Variants in LNPK observed in about 807,000 individuals in gnomAD.
LNPK encodes endoplasmic reticulum junction formation protein lunapark.
LNPK carries 29 observed loss-of-function variants against 55.2 expected under a neutral mutation model. The observed-to-expected ratio is 0.53, with a 90% CI of 0.39 to 0.72. LNPK has a LOEUF of 0.72. Ranked by LOEUF, LNPK falls within the 30% of genes least tolerant of loss-of-function variation. LNPK has a pLI of 0.00. For synonymous variants in LNPK, 162 were observed against 168.2 expected, an observed-to-expected ratio of 0.96 and a Z score of 0.29; for missense variants, 467 against 494.8, an observed-to-expected ratio of 0.94 and a Z score of 0.53.
rs1000538465 is a variant in LNPK, at chr2:175,924,217, T to C, written c.*5750A>G. On this transcript the variant is annotated 3_prime_UTR_variant, in exon 13 of 13. Transcript: ENST00000272748. ...ATTGAAGTTATACCAGATAGTAACT[T>C]AATACAGTATATTCTCCCAATTTTC... 6.6e-6 allele frequency: 1 copy of C among 152,206 alleles called. No homozygotes were observed. Among genetic ancestry groups the C allele is most frequent in the Non-Finnish European group, 1.5e-5 (1 of 68,030 alleles). 9.4% of individuals were successfully genotyped at this position (152,206 alleles called of 1,614,324 possible).
At chr2:175,935,507 G>A (rs1166638009) in intron 12 of LNPK, among the ~76,000 whole-genome samples, 2 of 152,224 alleles carry the variant, frequency 1.3e-5, no homozygotes, top group Admixed American at 6.5e-5. Context: ...ACAGTGTTGA[G>A]TTAGATGTCT....
intron 8 of LNPK, among the ~76,000 whole-genome samples, chr2:175,950,645 A>G (rs990609860): frequency 6.6e-6 from 1 of 152,142 alleles, no homozygotes; most frequent in African/African-American, 2.4e-5. Flanking sequence ...TCTGGGACCA[A>G]ATGGTCATAA....
intron 8 of LNPK, among the ~76,000 whole-genome samples, chr2:175,956,585 CTTTA>C (rs762478976): frequency 6.6e-6 from 1 of 152,122 alleles, no homozygotes; most frequent in Non-Finnish European, 1.5e-5. Flanking sequence ...TATTCTTACT[CTTTA>C]TTTTTTAAAA....
intron 12 of LNPK, among the ~76,000 whole-genome samples, chr2:175,931,607 C>CA (rs1403292790): frequency 5.9e-5 from 9 of 152,098 alleles, no homozygotes; most frequent in Admixed American, 5.9e-4. Flanking sequence ...CCTATGCTCA[C>CA]AAAAAATAGT....
intron 12 of LNPK, among the ~76,000 whole-genome samples, chr2:175,936,847 C>T (rs921750272): frequency 1.3e-4 from 19 of 151,982 alleles, no homozygotes; most frequent in African/African-American, 3.9e-4. Flanking sequence ...AATGAAATAC[C>T]AGTCCTATTG....
chr2:175,958,913 T>G (rs1207425705), intron 8 of LNPK, among the ~76,000 whole-genome samples: 3 of 152,118 alleles, frequency 2.0e-5, no homozygotes, highest in African/African-American at 7.2e-5. Context: ...GCACGAGAAC[T>G]ACGTGATGCA....
At chr2:175,948,501 C>T (rs1036980152) in intron 8 of LNPK, among the ~76,000 whole-genome samples, 2 of 152,092 alleles carry the variant, frequency 1.3e-5, no homozygotes, top group African/African-American at 4.8e-5. Flanking sequence ...CTATCTGGCT[C>T]TTTACAAAAA....
At position 175,998,177 on chromosome 2, in the gene LNPK, C is replaced by T. The variant is rs370868795; in HGVS notation, c.-62-2531G>A. Among the ~76,000 whole-genome samples the T allele has an allele frequency of 1.2e-4, 19 of 152,182 alleles. No individual in the cohort carries two copies. The East Asian group carries it at 3.1e-3, about 25-fold the overall frequency. ...ACAGTAAGCAGGCCGGGTGCGGTGG[C>T]TCACGCCTGTAATCCCAACACTTTG... On this transcript the variant is annotated intron_variant, in intron 1 of 12. Coordinates refer to ENST00000272748, the MANE Select transcript of LNPK (RefSeq NM_030650.3).
chr2:175,951,072 C>T (rs1369024940), intron 8 of LNPK, among the ~76,000 whole-genome samples: 1 of 152,058 alleles, frequency 6.6e-6, no homozygotes. Context: ...TTTTATAATA[C>T]AAATACTCGT....
intron 1 of LNPK, among the ~76,000 whole-genome samples, chr2:175,996,307 TTAAA>T (rs1210198049): frequency 1.3e-5 from 2 of 152,332 alleles, no homozygotes; most frequent in Non-Finnish European, 2.9e-5. Context: ...TACTATACAC[TTAAA>T]TAATTTCTAC....
chr2:175,929,387 C>T lies in LNPK; in HGVS notation c.*580G>A, dbSNP rs558786997. 71 of 985,498 alleles carry T rather than the reference C, an allele frequency of 7.2e-5. No individual in the cohort carries two copies. In the South Asian group the frequency reaches 9.9e-4, roughly 14 times the overall value. The allele number at this position is 985,498 out of a possible 1,614,324, so 61.0% of individuals were successfully genotyped here. A position where few individuals can be genotyped will look rare whatever the true frequency, so the allele number is the denominator to read the frequency against. On this transcript the variant is annotated 3_prime_UTR_variant, in exon 13 of 13. Transcript: ENST00000272748. ...CACTGAGAATTCGTACCAGTGCCAA[C>T]GTAGTTACAGTTCTACTTAACTGTT...
intron 12 of LNPK, among the ~76,000 whole-genome samples, chr2:175,931,563 G>A (rs915703073): frequency 2.6e-5 from 4 of 152,018 alleles, no homozygotes; most frequent in African/African-American, 9.7e-5. Flanking sequence ...TAGAATAAAG[G>A]CCCAAATTCT....
At chr2:175,966,578 T>C (rs1021897876) in intron 6 of LNPK, among the ~76,000 whole-genome samples, 2 of 152,242 alleles carry the variant, frequency 1.3e-5, no homozygotes, top group Non-Finnish European at 2.9e-5. Flanking sequence ...TTTTTATTTA[T>C]CTTAAATAAA....
At chr2:175,930,859 A>G (rs1033763094) in intron 12 of LNPK, among the ~76,000 whole-genome samples, 3 of 152,182 alleles carry the variant, frequency 2.0e-5, no homozygotes, top group Non-Finnish European at 4.4e-5. Context: ...CATGTTAGGG[A>G]GAGAAAGAGA....
At chr2:175,968,731 T>C (rs1209205914) in intron 6 of LNPK, among the ~76,000 whole-genome samples, 2 of 152,174 alleles carry the variant, frequency 1.3e-5, no homozygotes, top group Admixed American at 1.3e-4. Flanking sequence ...AAATTACAAT[T>C]TTACAAATTT....
intron 8 of LNPK, among the ~76,000 whole-genome samples, chr2:175,956,103 A>C (rs1685681075): frequency 6.6e-6 from 1 of 151,866 alleles, no homozygotes; most frequent in South Asian, 2.1e-4. Context: ...AACATAGTGA[A>C]ACCCCATCTC....
At chr2:175,948,363 C>T (rs1255958313) in intron 8 of LNPK, among the ~76,000 whole-genome samples, 2 of 152,162 alleles carry the variant, frequency 1.3e-5, no homozygotes, top group African/African-American at 2.4e-5. Context: ...CAGGCTGCCG[C>T]CTGCTTTTGT....
At chr2:175,952,903 A>C (rs1009496587) in intron 8 of LNPK, among the ~76,000 whole-genome samples, 2 of 152,130 alleles carry the variant, frequency 1.3e-5, no homozygotes, top group Non-Finnish European at 2.9e-5. Context: ...CATGCTAGGC[A>C]CTATATATGA....
At chr2:175,937,308 G>A (rs746632284) in intron 12 of LNPK, 36 bp downstream of exon 12, 48 of 1,575,606 alleles carry the variant, frequency 3.0e-5, no homozygotes, top group Non-Finnish European at 3.9e-5. Flanking sequence ...AATAACACAT[G>A]TTATTAAGGG....
Sources: allele counts gnomAD v4.1 joint callset (sites outside exome capture counted in the v4.1 genomes callset), GRCh38; gene constraint gnomAD v4.1.1; transcripts MANE v1.5; gene names NCBI Gene and HGNC (gene_info 2026-07-23, HGNC 2026-07-21).